ZNF106: variants seen among roughly 807,000 people sequenced by gnomAD.
ZNF106 encodes the protein SH3-domain binding protein 3.
In ZNF106, 67 loss-of-function variants were observed where a neutral mutation model predicts 195.1. The observed-to-expected ratio is 0.34, with a 90% CI of 0.28 to 0.42. ZNF106 has a LOEUF of 0.42. Ranked by LOEUF, ZNF106 falls within the 10% of genes least tolerant of loss-of-function variation. The pLI is 1.00. For missense variants in ZNF106, 2,118 were observed against 2,304.5 expected, an observed-to-expected ratio of 0.92 and a Z score of 1.66; for synonymous variants, 784 against 818.6, an observed-to-expected ratio of 0.96 and a Z score of 0.72.
At chr15:42,488,367 A>G (rs2141471809) in intron 1 of ZNF106, among the ~76,000 whole-genome samples, 1 of 152,312 alleles carries the variant, frequency 6.6e-6, no homozygotes, top group East Asian at 1.9e-4. Context: ...AAATTCATAC[A>G]TTTATTTAAC....
chr15:42,449,790 G>T lies in ZNF106; in HGVS notation c.2482C>A (p.Leu828Met). The T allele has an allele frequency of 6.2e-7, 1 of 1,613,914 alleles. No homozygotes were observed. Among genetic ancestry groups the T allele is most frequent in the Non-Finnish European group, 8.5e-7 (1 of 1,179,856 alleles). The change falls in exon 5 of 22, where the codon CTG becomes ATG. Residue 828 changes from leucine to methionine, a missense_variant. Physicochemically the swap from Leu to Met is conservative, Grantham distance 15. Transcript: ENST00000564754. ...ACACACCTGGGTAAGCCTTTGCCCA[G>T]CTCTTGCTTTTTCTTGGTTACTTGC... ...IQQVTKKKQE[L>M]GKGLPRFGIE... is the part of the protein sequence containing the mutation.
At chr15:42,443,621 T>A (rs1304458479) in intron 9 of ZNF106, among the ~76,000 whole-genome samples, 2 of 151,844 alleles carry the variant, frequency 1.3e-5, no homozygotes, top group African/African-American at 4.8e-5. Flanking sequence ...TCCCAGCTAC[T>A]GGGGGGAGTG....
intron 2 of ZNF106, among the ~76,000 whole-genome samples, chr15:42,471,190 T>G (rs2056659185): frequency 6.6e-6 from 1 of 152,220 alleles, no homozygotes; most frequent in South Asian, 2.1e-4. Context: ...TATCTCTTCC[T>G]CGTTTCTCTT....
chr15:42,471,423 A>G (rs2056665086), intron 2 of ZNF106, among the ~76,000 whole-genome samples: 1 of 152,216 alleles, frequency 6.6e-6, no homozygotes, highest in African/African-American at 2.4e-5. Context: ...ATTGCAGCCA[A>G]TTTTAGGTCC....
intron 13 of ZNF106, 93 bp downstream of exon 13, chr15:42,437,139 C>T: frequency 1.4e-6 from 2 of 1,383,134 alleles, no homozygotes; most frequent in Non-Finnish European, 2.0e-6. Flanking sequence ...TTCCTTCAGA[C>T]AGCCAACAAA....
At chr15:42,458,166 T>C (rs139988824) in intron 3 of ZNF106, among the ~76,000 whole-genome samples, 2 of 152,202 alleles carry the variant, frequency 1.3e-5, no homozygotes, top group Admixed American at 6.5e-5. Context: ...GGATTTAGAC[T>C]AGTTATATTT....
At chr15:42,430,964 A>AT (rs1305241363) in intron 14 of ZNF106, among the ~76,000 whole-genome samples, 1 of 151,982 alleles carries the variant, frequency 6.6e-6, no homozygotes, top group East Asian at 1.9e-4. Flanking sequence ...AGTTTCTTGG[A>AT]TTTTAAAGCT....
intron 1 of ZNF106, among the ~76,000 whole-genome samples, chr15:42,481,351 T>TG (rs201948077): frequency 9.0e-4 from 109 of 120,684 alleles, no homozygotes; most frequent in African/African-American, 1.8e-3. Flanking sequence ...TGTTTTTTTT[T>TG]TTGTTGTTTT....
intron 4 of ZNF106, among the ~76,000 whole-genome samples, chr15:42,456,442 A>G (rs997033514): frequency 1.3e-5 from 2 of 152,098 alleles, no homozygotes; most frequent in African/African-American, 4.8e-5. Context: ...TGAGGTCAGG[A>G]GTTTGAGACC....
rs140998240 is a variant in ZNF106 at position 42,465,543 on chromosome 15, T to G, written c.116+510A>C. Among the ~76,000 whole-genome samples the G allele has an allele frequency of 5.8e-3, 872 of 151,266 alleles. 4 individuals are homozygous for G. Among genetic ancestry groups the G allele is most frequent in the Middle Eastern group, 0.011 (3 of 280 alleles). On this transcript the variant is annotated intron_variant, in intron 3 of 21. Transcript: ENST00000564754. ...CCTTCCACCCTGGGCTCCCAAAGTG[T>G]TGGGATTACAAGCGTGAGCCACTGC...
intron 3 of ZNF106, among the ~76,000 whole-genome samples, chr15:42,459,899 C>T (rs2141386566): frequency 6.6e-6 from 1 of 151,878 alleles, no homozygotes; most frequent in Middle Eastern, 3.4e-3. Context: ...AAAAATTAGC[C>T]AGGCATGGTG....
At chr15:42,441,566 G>A (rs1046951577) in intron 10 of ZNF106, among the ~76,000 whole-genome samples, 10 of 152,144 alleles carry the variant, frequency 6.6e-5, no homozygotes, top group Admixed American at 5.2e-4. Flanking sequence ...TGATAACCAG[G>A]TAAGTGTTAT....
chr15:42,450,250 T>C lies in ZNF106; in HGVS notation c.2022A>G (p.Glu674=), dbSNP rs1468406795. The change falls in exon 5 of 22, where the codon GAA becomes GAG. Residue 674 remains glutamate, a synonymous_variant. Transcript: ENST00000564754. Reference sequence around the variant, plus strand: ...CTGCAGATGTCATTTGTAATTCAGATTCTTTCTGGCGAACTATGGGATTAC... The same window carrying C: ...CTGCAGATGTCATTTGTAATTCAGACTCTTTCTGGCGAACTATGGGATTAC... ...SPCNPIVRQK[E]SELQMTSAAS... is the part of the protein sequence containing the mutation. 5.0e-6 allele frequency: 8 copies of C among 1,614,090 alleles called. No individual in the cohort carries two copies. The highest frequency in any genetic ancestry group is 1.7e-5 in the Admixed American group (1 of 59,996).
intron 1 of ZNF106, among the ~76,000 whole-genome samples, chr15:42,476,047 A>G (rs1341024643): frequency 1.3e-5 from 2 of 152,212 alleles, no homozygotes; most frequent in Admixed American, 6.5e-5. Flanking sequence ...GAAATACTCT[A>G]TATCAACCTT....
intron 19 of ZNF106, 95 bp downstream of exon 19, chr15:42,421,822 G>A: frequency 1.1e-6 from 1 of 950,876 alleles, no homozygotes; most frequent in Non-Finnish European, 1.6e-6. Context: ...TTAACAATGA[G>A]GCATATCAGA....
At chr15:42,457,414 T>C (rs2056265480) in intron 3 of ZNF106, 2 of 1,363,422 alleles carry the variant, frequency 1.5e-6, no homozygotes, top group Non-Finnish European at 1.9e-6. Context: ...GGAGAAATCT[T>C]CTTGAATTGC....
chr15:42,450,260 C>T lies in ZNF106; in HGVS notation c.2012G>A (p.Arg671His), dbSNP rs199500255. Residue 671 changes from arginine to histidine, a missense_variant, in exon 5 of 22, where the codon CGC becomes CAC. Arg to His is a conservative substitution (Grantham distance 29). Coordinates refer to ENST00000564754, the MANE Select transcript of ZNF106 (RefSeq NM_001366845.3). ...CATTTGTAATTCAGATTCTTTCTGG[C>T]GAACTATGGGATTACATGGGGAAGT... The part of the protein sequence containing the change: ...LSTSPCNPIV[R>H]QKESELQMTS... The T allele has an allele frequency of 4.3e-6, 7 of 1,614,122 alleles. No homozygotes were observed. The highest frequency in any genetic ancestry group is 2.2e-5 in the South Asian group (2 of 91,080).
intron 4 of ZNF106, among the ~76,000 whole-genome samples, chr15:42,455,375 T>C (rs1250821439): frequency 6.6e-6 from 1 of 152,190 alleles, no homozygotes; most frequent in Non-Finnish European, 1.5e-5. Context: ...AGGTAATATT[T>C]TGAATAATTT....
At chr15:42,423,555 T>G (rs1388841271) in intron 17 of ZNF106, among the ~76,000 whole-genome samples, 4 of 151,914 alleles carry the variant, frequency 2.6e-5, no homozygotes, top group Admixed American at 1.3e-4. Flanking sequence ...AAAAAAAAAT[T>G]TTTTTTAAGA....
Sources: allele counts gnomAD v4.1 joint callset (sites outside exome capture counted in the v4.1 genomes callset), GRCh38; gene constraint gnomAD v4.1.1; transcripts MANE v1.5; gene names NCBI Gene and HGNC (gene_info 2026-07-23, HGNC 2026-07-21).